ARID2: variants seen among roughly 807,000 people sequenced by gnomAD.
ARID2 encodes the protein AT-rich interactive domain-containing protein 2.
ARID2 carries 32 observed loss-of-function variants against 184.6 expected under a neutral mutation model. That is an observed-to-expected ratio of 0.17 (90% CI 0.13 to 0.23). The LOEUF is 0.23. Among genes scored for constraint, ARID2 ranks in the 10% least tolerant of loss-of-function variants. ARID2 has a pLI of 1.00. For missense variants in ARID2, 1,696 were observed against 2,197.6 expected (o/e 0.77, Z 4.56); for synonymous variants, 836 against 772.6 (o/e 1.08, Z -1.36).
intron 4 of ARID2, among the ~76,000 whole-genome samples, chr12:45,817,412 A>G (rs1010049213): frequency 6.6e-6 from 1 of 152,022 alleles, no homozygotes; most frequent in African/African-American, 2.4e-5. Flanking sequence ...TATTTTGGCA[A>G]TGATGGCCAA....
intron 6 of ARID2, among the ~76,000 whole-genome samples, chr12:45,835,627 C>T (rs762436044): frequency 3.9e-5 from 6 of 152,082 alleles, no homozygotes; most frequent in Non-Finnish European, 7.4e-5. Context: ...CCAGGCCGGG[C>T]GCTGTGGCTC....
rs559658474 is a variant in ARID2, at chr12:45,875,070, C to T, written c.4922+14121C>T. 3.3e-5 allele frequency among the ~76,000 whole-genome samples: 5 copies of T among 152,238 alleles called. No individual in the cohort carries two copies. In the South Asian group the frequency reaches 6.2e-4, roughly 19 times the overall value. Reference sequence around the variant, plus strand: ...CCCAGGAGGCGGAGTTTGCAGTGAGCGGAGATGTACCACTACACTCCATCC... The same window carrying T: ...CCCAGGAGGCGGAGTTTGCAGTGAGTGGAGATGTACCACTACACTCCATCC... On this transcript the variant is annotated intron_variant, in intron 16 of 20. Coordinates refer to ENST00000334344, the MANE Select transcript of ARID2 (RefSeq NM_152641.4).
In ARID2 at chr12:45,782,281, G is replaced by A. The variant is rs546570003; in HGVS notation, c.285-29137G>A. 1.5e-3 allele frequency among the ~76,000 whole-genome samples: 228 copies of A among 152,020 alleles called. 1 individual carries two copies. Among genetic ancestry groups the A allele is most frequent in the African/African-American group, 5.4e-3 (224 of 41,468 alleles). The stretch of plus-strand genomic sequence containing the variant: ...CAGAAGAATACATAGCTATAAAAAC[G>A]GAGGAGATTAAAAAAATGAGAAACC... On this transcript the variant is annotated intron_variant, in intron 3 of 20. Transcript: ENST00000334344.
chr12:45,758,391 C>A (rs539111633), intron 3 of ARID2, among the ~76,000 whole-genome samples: 20 of 150,558 alleles, frequency 1.3e-4, no homozygotes, highest in African/African-American at 4.9e-4. Flanking sequence ...TTTTTTTGTG[C>A]GACTTTTTTT....
At chr12:45,832,687 C>A (rs1943143377) in intron 6 of ARID2, among the ~76,000 whole-genome samples, 1 of 152,048 alleles carries the variant, frequency 6.6e-6, no homozygotes, top group South Asian at 2.1e-4. Context: ...GTCTCTGAAT[C>A]CATGGGTTCT....
At chr12:45,754,044 A>G (rs1941518305) in intron 3 of ARID2, among the ~76,000 whole-genome samples, 1 of 152,258 alleles carries the variant, frequency 6.6e-6, no homozygotes, top group Non-Finnish European at 1.5e-5. Flanking sequence ...TAATAGTATC[A>G]TTGAAATACA....
intron 3 of ARID2, among the ~76,000 whole-genome samples, chr12:45,793,967 G>C (rs1942341304): frequency 6.6e-6 from 1 of 151,994 alleles, no homozygotes; most frequent in South Asian, 2.1e-4. Context: ...GTTGTAAGCA[G>C]TTATGAATTT....
intron 16 of ARID2, among the ~76,000 whole-genome samples, chr12:45,868,349 G>A (rs1406357364): frequency 2.0e-5 from 3 of 152,142 alleles, no homozygotes; most frequent in African/African-American, 7.2e-5. Flanking sequence ...GCTGAGGCAC[G>A]AGAATCGCTT....
intron 16 of ARID2, among the ~76,000 whole-genome samples, chr12:45,873,153 C>A (rs1943951854): frequency 6.6e-6 from 1 of 152,150 alleles, no homozygotes; most frequent in Non-Finnish European, 1.5e-5. Context: ...CGATAATTTT[C>A]CTTGCTCTGA....
chr12:45,760,493 G>GT lies in ARID2; in HGVS notation c.284+29186dup, dbSNP rs549629322. Reference sequence around the variant, plus strand: ...TTTTAGTTGTTTTTTCTGCGTGTGTGTTTTTTTGGTGTTTTTGTGTTTCTT... The same window carrying GT: ...TTTTAGTTGTTTTTTCTGCGTGTGTGTTTTTTTTGGTGTTTTTGTGTTTCTT... On this transcript the variant is annotated intron_variant, in intron 3 of 20. Transcript: ENST00000334344. Among the ~76,000 whole-genome samples, 829 of 151,716 alleles carry GT rather than the reference G, an allele frequency of 5.5e-3. 7 individuals carry two copies. The highest frequency in any genetic ancestry group is 0.019 in the African/African-American group (791 of 41,378).
chr12:45,814,700 C>T (rs1942774634), intron 4 of ARID2, among the ~76,000 whole-genome samples: 2 of 152,160 alleles, frequency 1.3e-5, no homozygotes, highest in South Asian at 2.1e-4. Context: ...TATAGCTACT[C>T]AACCATATCT....
At chr12:45,765,511 T>A (rs1263740826) in intron 3 of ARID2, among the ~76,000 whole-genome samples, 3 of 151,138 alleles carry the variant, frequency 2.0e-5, no homozygotes, top group African/African-American at 7.3e-5. Context: ...GAACCTGGCC[T>A]CGGTTTTTTT....
chr12:45,896,717 A>G (rs1027126400), intron 20 of ARID2, among the ~76,000 whole-genome samples: 5 of 152,184 alleles, frequency 3.3e-5, no homozygotes, highest in African/African-American at 1.2e-4. Flanking sequence ...GATTATGCTA[A>G]GGGTGGAATG....
intron 3 of ARID2, among the ~76,000 whole-genome samples, chr12:45,803,785 T>G (rs1408991910): frequency 6.6e-6 from 1 of 152,216 alleles, no homozygotes. Flanking sequence ...TGGAGGAATC[T>G]ATTAAATTTA....
At chr12:45,863,357 C>A (rs536734753) in intron 16 of ARID2, among the ~76,000 whole-genome samples, 1 of 152,282 alleles carries the variant, frequency 6.6e-6, no homozygotes, top group African/African-American at 2.4e-5. Context: ...CAAGTAGGAA[C>A]ATATATATGA....
chr12:45,738,048 C>A (rs1189314489), intron 3 of ARID2, among the ~76,000 whole-genome samples: 1 of 151,906 alleles, frequency 6.6e-6, no homozygotes, highest in Non-Finnish European at 1.5e-5. Context: ...CTCACTTATT[C>A]CTAATTGGAG....
chr12:45,864,899 T>G (rs905250374), intron 16 of ARID2, among the ~76,000 whole-genome samples: 1 of 152,204 alleles, frequency 6.6e-6, no homozygotes, highest in African/African-American at 2.4e-5. Context: ...TTACCAGTTT[T>G]CAAAATAATG....
intron 11 of ARID2, chr12:45,842,341 A>C (rs1381835448): frequency 6.6e-6 from 1 of 151,800 alleles, no homozygotes; most frequent in African/African-American, 2.4e-5. Context: ...ACACACATGT[A>C]TATGTATATA....
In ARID2 at chr12:45,851,707, T is replaced by C; in HGVS notation, c.3584T>C (p.Leu1195Pro). The change falls in exon 15 of 21, where the codon CTC becomes CCC. Residue 1195 changes from leucine to proline, a missense_variant. Physicochemically the swap from Leu to Pro is moderately conservative, Grantham distance 98. This residue lies in a region of ARID2 where 428 missense variants were observed against 409.1 expected (regional missense o/e 1.05). Transcript: ENST00000334344. ...ATVSQGNATQ[L>P]IAPAGITMSG... Reference sequence around the variant, plus strand: ...GTGAGTCAGGGAAATGCAACTCAGCTCATTGCTCCAGCAGGAATTACCATG... The same window carrying C: ...GTGAGTCAGGGAAATGCAACTCAGCCCATTGCTCCAGCAGGAATTACCATG... 1 of 1,614,162 alleles carries C rather than the reference T, an allele frequency of 6.2e-7. No individual in the cohort carries two copies. Among genetic ancestry groups the C allele is most frequent in the Non-Finnish European group, 8.5e-7 (1 of 1,180,004 alleles).
Sources: gnomAD v4.1 joint callset for allele counts (sites outside exome capture counted in the v4.1 genomes callset) on GRCh38, gnomAD v4.1.1 for gene constraint, gnomAD v4.1.1 regional missense constraint, MANE v1.5 for transcripts, NCBI Gene and HGNC (gene_info 2026-07-23, HGNC 2026-07-21) for gene names.